Variants in NPIPB2 observed in about 807,000 individuals in gnomAD.
The protein encoded by NPIPB2 is nuclear pore complex interacting protein family member B2.
A neutral mutation model predicts 30.8 loss-of-function variants in NPIPB2; 27 were observed. The observed-to-expected ratio is 0.88, with a 90% CI of 0.65 to 1.21. The LOEUF (loss-of-function observed/expected upper bound fraction) is 1.21, where lower values mean the gene tolerates loss of function less well. Ranked by LOEUF, NPIPB2 falls within the 50% of genes most tolerant of loss-of-function variation. NPIPB2 has a pLI of 0.00. For missense variants in NPIPB2, 440 were observed against 446.2 expected (o/e 0.99, Z 0.13); for synonymous variants, 147 against 162.0 (o/e 0.91, Z 0.70).
At chr16:11,950,212 T>C (rs1171615292) in intron 1 of NPIPB2, among the ~76,000 whole-genome samples, 3 of 152,024 alleles carry the variant, frequency 2.0e-5, no homozygotes, top group Non-Finnish European at 4.4e-5. Context: ...TTTATATTTT[T>C]AGTAGTAGTG....
chr16:11,976,121 T>G (rs2055291411), intron 1 of NPIPB2, among the ~76,000 whole-genome samples: 1 of 151,562 alleles, frequency 6.6e-6, no homozygotes, highest in Non-Finnish European at 1.5e-5. Context: ...CTCCACCTCC[T>G]CAATCTCCTT....
chr16:11,943,402 C>T (rs1416772922), upstream of NPIPB2, among the ~76,000 whole-genome samples: 3 of 151,946 alleles, frequency 2.0e-5, no homozygotes, highest in South Asian at 2.1e-4. Context: ...ATGCTGCAGC[C>T]ATGTTCCAGC....
At chr16:11,941,027 G>A (rs2054931833) in intron 1 of NPIPB2, 2 of 835,476 alleles carry the variant, frequency 2.4e-6, no homozygotes, top group Non-Finnish European at 3.3e-6. Context: ...GCCCTGGCTA[G>A]TCTTCAACTC....
intron 1 of NPIPB2, among the ~76,000 whole-genome samples, chr16:11,940,692 G>A (rs1428832229): frequency 6.2e-5 from 9 of 145,066 alleles, no homozygotes; most frequent in African/African-American, 2.3e-4. Flanking sequence ...CCCCGGAAGC[G>A]GAGGTTGCAG....
At chr16:11,956,413 C>T (rs954629503) in intron 1 of NPIPB2, among the ~76,000 whole-genome samples, 2 of 152,194 alleles carry the variant, frequency 1.3e-5, no homozygotes, top group African/African-American at 4.8e-5. Flanking sequence ...CAGTGGCTCA[C>T]GCCTGTAATT....
At chr16:11,949,492 G>T (rs1394533273) in intron 1 of NPIPB2, among the ~76,000 whole-genome samples, 1 of 152,164 alleles carries the variant, frequency 6.6e-6, no homozygotes, top group East Asian at 1.9e-4. Flanking sequence ...CCTCTTGCCA[G>T]GATTTCTGCT....
intron 1 of NPIPB2, among the ~76,000 whole-genome samples, chr16:11,969,973 T>C (rs2055226148): frequency 6.7e-6 from 1 of 150,112 alleles, no homozygotes; most frequent in African/African-American, 2.5e-5. Context: ...AAGAGTCTCC[T>C]ACCTCAGCCT....
intron 1 of NPIPB2, among the ~76,000 whole-genome samples, chr16:11,958,425 T>A (rs2055131445): frequency 7.3e-6 from 1 of 137,854 alleles, no homozygotes. Flanking sequence ...GAGACTCCGT[T>A]AAAAAAAAAA....
At chr16:11,947,565 CA>C (rs1313971489) in intron 1 of NPIPB2, among the ~76,000 whole-genome samples, 1 of 151,692 alleles carries the variant, frequency 6.6e-6, no homozygotes, top group Non-Finnish European at 1.5e-5. Flanking sequence ...AGGAGGGTCT[CA>C]ATCTCCTGAC....
chr16:11,961,778 T>TAAAAAAA (rs760800876), intron 1 of NPIPB2, among the ~76,000 whole-genome samples: 1 of 125,562 alleles, frequency 8.0e-6, no homozygotes. Flanking sequence ...AGACCCTGTT[T>TAAAAAAA]AAAAAAAAAA....
chr16:11,952,330 A>G (rs1029544439), intron 1 of NPIPB2, among the ~76,000 whole-genome samples: 10 of 151,910 alleles, frequency 6.6e-5, no homozygotes, highest in South Asian at 2.1e-4. Flanking sequence ...CCTGGATGAT[A>G]GAGCAAGACT....
upstream of NPIPB2, among the ~76,000 whole-genome samples, chr16:11,945,799 C>T (rs915201973): frequency 2.6e-5 from 4 of 152,000 alleles, no homozygotes; most frequent in African/African-American, 9.7e-5. Context: ...TCTATTCAGC[C>T]CATGGGTTCT....
At chr16:11,951,855 G>A (rs1010182216) in intron 1 of NPIPB2, among the ~76,000 whole-genome samples, 7 of 149,104 alleles carry the variant, frequency 4.7e-5, no homozygotes, top group South Asian at 2.2e-4. Context: ...TTGAAACCCC[G>A]TCTCTACTAA....
intron 1 of NPIPB2, among the ~76,000 whole-genome samples, chr16:11,948,497 T>G (rs771054815): frequency 3.3e-5 from 5 of 152,270 alleles, no homozygotes; most frequent in Middle Eastern, 6.8e-3. Context: ...CTGGGCGCAG[T>G]GGCTCACACC....
At chr16:11,938,606 C>T (rs931339646) in intron 1 of NPIPB2, among the ~76,000 whole-genome samples, 1 of 151,980 alleles carries the variant, frequency 6.6e-6, no homozygotes, top group Non-Finnish European at 1.5e-5. Flanking sequence ...GCTGGGATTA[C>T]AGGCATGAGC....
Position 11,969,749 on chromosome 16 carries a change from C to T in NPIPB2, c.-584+6819G>A, listed in dbSNP as rs557691301. Among the ~76,000 whole-genome samples, 9 of 152,232 alleles carry T rather than the reference C, an allele frequency of 5.9e-5. No individual in the cohort carries two copies. In the South Asian group the frequency reaches 1.2e-3, roughly 21 times the overall value. On this transcript the variant is annotated intron_variant, in intron 1 of 5. Transcript: ENST00000538896. ...AATCGCAAACTGTGATAACGGTGCA[C>T]GACATACTGTTTTCAGCCCAAAATG...
intron 1 of NPIPB2, among the ~76,000 whole-genome samples, chr16:11,953,392 G>A (rs9922422): frequency 0.19 from 28,957 of 151,844 alleles, 5,129 homozygotes; most frequent in African/African-American, 0.46. Context: ...GCTCAGGGTG[G>A]AGTGCAGTGG....
upstream of NPIPB2, among the ~76,000 whole-genome samples, chr16:11,942,635 G>C (rs2054955275): frequency 6.6e-6 from 1 of 152,164 alleles, no homozygotes; most frequent in South Asian, 2.1e-4. Flanking sequence ...CAAGGAATCT[G>C]TGCATTTCAA....
At chr16:11,951,460 C>CAAAAAAA (rs144775580) in intron 1 of NPIPB2, among the ~76,000 whole-genome samples, 186 of 48,562 alleles carry the variant, frequency 3.8e-3, no homozygotes, top group Middle Eastern at 0.024. Flanking sequence ...AAGACTGTCT[C>CAAAAAAA]AAAAAAAAAA....
Sources: allele counts gnomAD v4.1 joint callset (sites outside exome capture counted in the v4.1 genomes callset), GRCh38; gene constraint gnomAD v4.1.1; transcripts MANE v1.5; gene names NCBI Gene and HGNC (gene_info 2026-07-23, HGNC 2026-07-21).